Variants in WWOX observed in about 807,000 individuals in gnomAD.
The protein encoded by WWOX is WW domain containing oxidoreductase.
In WWOX, 69 loss-of-function variants were observed where a neutral mutation model predicts 46.2. That is an observed-to-expected ratio of 1.49 (90% CI 1.23 to 1.82). The LOEUF is 1.82. Among genes scored for constraint, WWOX ranks in the 40% most tolerant of loss-of-function variants. WWOX has a pLI of 0.00. For synonymous variants in WWOX, 359 were observed against 202.6 expected, an observed-to-expected ratio of 1.77 and a Z score of -6.56; for missense variants, 919 against 542.6, an observed-to-expected ratio of 1.69 and a Z score of -6.89.
intron 8 of WWOX, among the ~76,000 whole-genome samples, chr16:79,045,410 T>G (rs2048045870): frequency 6.6e-6 from 1 of 152,140 alleles, no homozygotes; most frequent in South Asian, 2.1e-4. Context: ...TCCAGAGAGA[T>G]GTACATCATG....
intron 8 of WWOX, among the ~76,000 whole-genome samples, chr16:78,541,332 G>A (rs1162603520): frequency 3.3e-5 from 5 of 151,000 alleles, no homozygotes; most frequent in Non-Finnish European, 7.4e-5. Context: ...AAATTAGCCG[G>A]GCGTAGTGGC....
chr16:79,144,879 T>C (rs962209198), intron 8 of WWOX, among the ~76,000 whole-genome samples: 11 of 152,224 alleles, frequency 7.2e-5, no homozygotes, highest in Admixed American at 5.9e-4. Context: ...TTGTTGCTCA[T>C]CTCTTACTGT....
At chr16:78,507,553 C>T (rs59003277) in intron 8 of WWOX, among the ~76,000 whole-genome samples, 21,669 of 152,170 alleles carry the variant, frequency 0.14, 1,661 homozygotes, top group Non-Finnish European at 0.17. Context: ...ACTGCATGTC[C>T]TATTAGGCAT....
chr16:79,046,391 G>C (rs1002530193), intron 8 of WWOX, among the ~76,000 whole-genome samples: 7 of 152,146 alleles, frequency 4.6e-5, no homozygotes, highest in African/African-American at 1.7e-4. Flanking sequence ...AGTTCAGGCT[G>C]CTGTGACAAA....
rs2031617795 is a variant in WWOX at position 78,099,742 on chromosome 16, C to T, written c.-37C>T. On this transcript the variant is annotated 5_prime_UTR_variant, in exon 1 of 9. Transcript: ENST00000566780. ...GTTCCTGAGCGAGTGGACCCGGCAG[C>T]GGGCGATAGGGGGGCCAGGTGCCTC... 6.6e-7 allele frequency: 1 copy of T among 1,516,868 alleles called. No homozygotes were observed. The highest frequency in any genetic ancestry group is 1.2e-5 in the South Asian group (1 of 80,068). 94.0% of individuals were successfully genotyped at this position (1,516,868 alleles called of 1,614,324 possible). A position where few individuals can be genotyped will look rare whatever the true frequency, so the allele number is the denominator to read the frequency against.
At position 78,334,420 on chromosome 16, in the gene WWOX, C is replaced by A. The variant is rs531765713; in HGVS notation, c.517-52440C>A. ...AACAGCGAACAACAAATAGTTCAGA[C>A]TTTACTCTGAGCTATGAGTGAACCA... is the stretch of plus-strand genomic sequence containing the variant. On this transcript the variant is annotated intron_variant, in intron 5 of 8. Coordinates refer to ENST00000566780, the MANE Select transcript of WWOX (RefSeq NM_016373.4). Among the ~76,000 whole-genome samples the A allele has an allele frequency of 4.6e-5, 7 of 152,268 alleles. No individual in the cohort carries two copies. The South Asian group carries it at 1.4e-3, about 32-fold the overall frequency.
intron 8 of WWOX, among the ~76,000 whole-genome samples, chr16:78,811,668 G>T (rs1377064089): frequency 6.6e-6 from 1 of 152,002 alleles, no homozygotes; most frequent in Non-Finnish European, 1.5e-5. Flanking sequence ...ATCATGCCCA[G>T]CCCCCTTGTC....
intron 8 of WWOX, among the ~76,000 whole-genome samples, chr16:79,083,549 GTGT>G (rs2048800471): frequency 6.6e-6 from 1 of 152,158 alleles, no homozygotes; most frequent in Non-Finnish European, 1.5e-5. Context: ...CCTCACACCA[GTGT>G]TGTTTTATTC....
chr16:78,100,063 T>A, intron 1 of WWOX, 178 bp downstream of exon 1: 1 of 1,403,284 alleles, frequency 7.1e-7, no homozygotes, highest in Non-Finnish European at 9.3e-7. Context: ...GCCCCCTTGG[T>A]GGGCCTCGGG....
chr16:78,396,533 G>T (rs75315209), intron 6 of WWOX, among the ~76,000 whole-genome samples: 5,766 of 152,202 alleles, frequency 0.038, 357 homozygotes, highest in African/African-American at 0.13. Context: ...ACGCTTTGGA[G>T]GGTAGATACA....
intron 8 of WWOX, among the ~76,000 whole-genome samples, chr16:78,832,509 A>C (rs2051858618): frequency 1.3e-5 from 2 of 152,152 alleles, no homozygotes; most frequent in Non-Finnish European, 2.9e-5. Context: ...TTGTGGGCAT[A>C]TTCTAAGACC....
At chr16:78,287,292 T>C (rs908327797) in intron 5 of WWOX, among the ~76,000 whole-genome samples, 2 of 152,230 alleles carry the variant, frequency 1.3e-5, no homozygotes, top group African/African-American at 4.8e-5. Flanking sequence ...CTAAGCAATC[T>C]ATGACACTCC....
chr16:78,676,758 T>C (rs2047609392), intron 8 of WWOX, among the ~76,000 whole-genome samples: 1 of 152,254 alleles, frequency 6.6e-6, no homozygotes, highest in South Asian at 2.1e-4. Flanking sequence ...AGTCTTCTTT[T>C]ATTGAAATAA....
chr16:78,376,795 C>T (rs1028412317), intron 5 of WWOX, among the ~76,000 whole-genome samples: 1 of 152,200 alleles, frequency 6.6e-6, no homozygotes, highest in Non-Finnish European at 1.5e-5. Flanking sequence ...AGAGCAGACT[C>T]TGCTCACACT....
chr16:79,037,288 C>T (rs1458411039), intron 8 of WWOX, among the ~76,000 whole-genome samples: 1 of 152,158 alleles, frequency 6.6e-6, no homozygotes, highest in Non-Finnish European at 1.5e-5. Flanking sequence ...CCTACCCTGC[C>T]TGGAAAGTGC....
intron 5 of WWOX, among the ~76,000 whole-genome samples, chr16:78,368,122 T>C (rs966616465): frequency 4.6e-5 from 7 of 152,230 alleles, no homozygotes; most frequent in Admixed American, 3.9e-4. Context: ...GTTGTGTTTA[T>C]AAACTAGAAG....
intron 8 of WWOX, among the ~76,000 whole-genome samples, chr16:79,174,130 C>T (rs1396023359): frequency 6.6e-6 from 1 of 152,140 alleles, no homozygotes; most frequent in Non-Finnish European, 1.5e-5. Flanking sequence ...AGTGAAAGGT[C>T]CTGAGAGGCA....
intron 8 of WWOX, among the ~76,000 whole-genome samples, chr16:78,472,809 CAAAAA>C (rs756666392): frequency 0.021 from 1,070 of 50,870 alleles, 21 homozygotes; most frequent in African/African-American, 0.042. Context: ...AACTCCATCT[CAAAAA>C]AAAAAAAAAA....
intron 8 of WWOX, among the ~76,000 whole-genome samples, chr16:79,003,425 T>G (rs9932250): frequency 0.23 from 35,699 of 152,106 alleles, 5,111 homozygotes; most frequent in African/African-American, 0.39. Context: ...GCTTATCTAT[T>G]GCTGAGTAAC....
Sources: allele counts gnomAD v4.1 joint callset (sites outside exome capture counted in the v4.1 genomes callset), GRCh38; gene constraint gnomAD v4.1.1; transcripts MANE v1.5; gene names NCBI Gene and HGNC (gene_info 2026-07-23, HGNC 2026-07-21).